Variants in CLN6 observed in about 807,000 individuals in gnomAD.
CLN6 encodes CLN6 transmembrane ER protein.
CLN6 carries 22 observed loss-of-function variants against 33.3 expected under a neutral mutation model. The ratio of observed to expected loss-of-function variants is 0.66; its 90% confidence interval spans 0.47 to 0.94. The LOEUF (loss-of-function observed/expected upper bound fraction) is 0.94, where lower values mean the gene tolerates loss of function less well. Ranked by LOEUF, CLN6 falls within the 40% of genes least tolerant of loss-of-function variation. The pLI, the probability that CLN6 is intolerant of heterozygous loss-of-function variation, is 0.00. For missense variants in CLN6, 387 were observed against 417.1 expected (o/e 0.93, Z 0.63); for synonymous variants, 201 against 174.6 (o/e 1.15, Z -1.19).
In CLN6 at chr15:68,256,650, CCTTG is replaced by C; in HGVS notation, c.179+36_179+39del. The C allele has an allele frequency of 1.7e-6, 1 of 604,456 alleles. No homozygotes were observed. The allele number at this position is 604,456 out of a possible 1,614,324, so 37.4% of individuals were successfully genotyped here. A position where few individuals can be genotyped will look rare whatever the true frequency, so the allele number is the denominator to read the frequency against. On this transcript the variant is annotated intron_variant, in intron 1 of 6. Transcript: ENST00000538696. The surrounding 1 kb of genome is among the most constrained non-coding windows in gnomAD (Gnocchi z 4.1). Reference sequence around the variant, plus strand: ...GGCCCCACGTTCAGAAGGGCTTCGCCCTTGGTTTAATGCGCTGCTCTCATTGCCT... The same window carrying C: ...GGCCCCACGTTCAGAAGGGCTTCGCCGTTTAATGCGCTGCTCTCATTGCCT...
chr15:68,208,094 G>GGGGCCCCCCCC lies in CLN6; in HGVS notation c.*45_*46insGGGGGGGGCCC. 1 of 1,375,276 alleles carries GGGGCCCCCCCC rather than the reference G, an allele frequency of 7.3e-7. No individual in the cohort carries two copies. The highest frequency in any genetic ancestry group is 1.0e-6 in the Non-Finnish European group (1 of 992,022). The allele number at this position is 1,375,276 out of a possible 1,614,324, so 85.2% of individuals were successfully genotyped here. On this transcript the variant is annotated 3_prime_UTR_variant, in exon 7 of 7. Coordinates refer to ENST00000249806, the MANE Select transcript of CLN6 (RefSeq NM_017882.3). This position sits in a 1 kb window ranked among gnomAD's most constrained non-coding sequence, Gnocchi z 5.8. Reference sequence around the variant, plus strand: ...CTCCTGTATTCAGATGCCCTCCATGGCCCACCCTCCCACCCAGCAGAGCGC... The same window carrying GGGGCCCCCCCC: ...CTCCTGTATTCAGATGCCCTCCATGGGGGCCCCCCCCCCCACCCTCCCACCCAGCAGAGCGC...
intron 1 of CLN6, among the ~76,000 whole-genome samples, chr15:68,252,231 C>T (rs1486093114): frequency 6.6e-6 from 1 of 152,094 alleles, no homozygotes; most frequent in Non-Finnish European, 1.5e-5. Context: ...ATCTTGCCCT[C>T]CCAAAGTGCT....
chr15:68,251,111 AG>A (rs1892373989), intron 1 of CLN6, among the ~76,000 whole-genome samples: 1 of 152,230 alleles, frequency 6.6e-6, no homozygotes, highest in South Asian at 2.1e-4. Flanking sequence ...TTATCCAAAG[AG>A]TATAAGAATG....
rs1371082069 is a variant in CLN6 at position 68,219,781 on chromosome 15, C to T, written c.84-1131G>A. Among the ~76,000 whole-genome samples, 2 of 152,204 alleles carry T rather than the reference C, an allele frequency of 1.3e-5. No homozygotes were observed. Among genetic ancestry groups the T allele is most frequent in the Admixed American group, 6.5e-5 (1 of 15,286 alleles). On this transcript the variant is annotated intron_variant, in intron 1 of 6. Coordinates refer to ENST00000249806, the MANE Select transcript of CLN6 (RefSeq NM_017882.3). The surrounding 1 kb of genome is among the most constrained non-coding windows in gnomAD (Gnocchi z 4.2). ...CCTCTTTACAGAGTCCCTGCAATTACTTGCACACCTCCAGGGACAAGCAGC... is the reference window on the plus strand; with the variant it reads ...CCTCTTTACAGAGTCCCTGCAATTATTTGCACACCTCCAGGGACAAGCAGC...
Position 68,256,611 on chromosome 15 carries a change from G to A in CLN6, c.179+79C>T, listed in dbSNP as rs2141169151. ...GTGGCTGGCTTCAGGGGTGTGGGCA[G>A]TGCAGTCGCACAGGGCCCCACGTTC... On this transcript the variant is annotated intron_variant, in intron 1 of 6. Coordinates refer to the CLN6 transcript ENST00000538696. This position sits in a 1 kb window ranked among gnomAD's most constrained non-coding sequence, Gnocchi z 4.1. 1.7e-6 allele frequency: 1 copy of A among 586,520 alleles called. No homozygotes were observed. Among genetic ancestry groups the A allele is most frequent in the Non-Finnish European group, 3.1e-6 (1 of 327,412 alleles). The allele number at this position is 586,520 out of a possible 1,614,324, so 36.3% of individuals were successfully genotyped here. A position where few individuals can be genotyped will look rare whatever the true frequency, so the allele number is the denominator to read the frequency against.
Position 68,214,374 on chromosome 15 carries a change from G to A in CLN6, c.213C>T (p.Leu71=), listed in dbSNP as rs146980624. ...TGGGCTTGTTGAGTGGAAACCACTCGAGAGGGAATACCAGCTGCGGAGCAA... is the reference window on the plus strand; with the variant it reads ...TGGGCTTGTTGAGTGGAAACCACTCAAGAGGGAATACCAGCTGCGGAGCAA... ...GRPIAMLVFP[L]EWFPLNKPSV... Residue 71 remains leucine, a synonymous_variant, in exon 3 of 7, where the codon CTC becomes CTT. Transcript: ENST00000249806. 69 of 1,612,802 alleles carry A rather than the reference G, an allele frequency of 4.3e-5. No homozygotes were observed. Among genetic ancestry groups the A allele is most frequent in the East Asian group, 8.9e-5 (4 of 44,890 alleles).
In CLN6 at chr15:68,256,844, G is replaced by C. The variant is rs549233934; in HGVS notation, c.25C>G (p.Arg9Gly). ...GGCCGGGGCCTGCCTCTCGCTCGCC[G>C]CTCCTTCCCGGCAACGGCTGCCATT... The change falls in exon 1 of 7, where the codon CGG becomes GGG. Residue 9 changes from arginine (R) to glycine (G), a missense_variant. Transcript: ENST00000538696. The surrounding 1 kb of genome is among the most constrained non-coding windows in gnomAD (Gnocchi z 4.1). 9 of 696,318 alleles carry C rather than the reference G, an allele frequency of 1.3e-5. No individual in the cohort carries two copies. Among genetic ancestry groups the C allele is most frequent in the African/African-American group, 8.8e-5 (5 of 56,968 alleles). The allele number at this position is 696,318 out of a possible 1,614,324, so 43.1% of individuals were successfully genotyped here. A position where few individuals can be genotyped will look rare whatever the true frequency, so the allele number is the denominator to read the frequency against.
upstream of CLN6, chr15:68,257,133 A>G (rs781597415): frequency 9.6e-5 from 33 of 344,600 alleles, no homozygotes; most frequent in Non-Finnish European, 1.3e-4. Flanking sequence ...CAGCGAGCGC[A>G]CGGCAGCGGT....
upstream of CLN6, chr15:68,229,834 C>T: frequency 1.5e-5 from 4 of 265,436 alleles, no homozygotes; most frequent in Admixed American, 5.8e-5. Context: ...CCGGGCGCTG[C>T]GAGTGTGGCG....
In CLN6 at chr15:68,207,642, C is replaced by G. The variant is rs2141135241; in HGVS notation, c.*498G>C. 1 of 199,788 alleles carries G rather than the reference C, an allele frequency of 5.0e-6. No homozygotes were observed. The highest frequency in any genetic ancestry group is 8.8e-5 in the South Asian group (1 of 11,300). 12.4% of individuals were successfully genotyped at this position (199,788 alleles called of 1,614,324 possible). A position where few individuals can be genotyped will look rare whatever the true frequency, so the allele number is the denominator to read the frequency against. ...AAATGAGGCCCAGAAAGGAGAAATG[C>G]TTTGCTCAACAGCCACAGTAGGCTG... On this transcript the variant is annotated 3_prime_UTR_variant, in exon 7 of 7. Coordinates refer to ENST00000249806, the MANE Select transcript of CLN6 (RefSeq NM_017882.3).
At chr15:68,237,361 C>G (rs1163549398) in intron 1 of CLN6, among the ~76,000 whole-genome samples, 5 of 151,848 alleles carry the variant, frequency 3.3e-5, no homozygotes, top group African/African-American at 1.2e-4. Context: ...GTGGCATGCT[C>G]CGGTAGTTCC....
At chr15:68,223,970 T>C (rs1023459290) in intron 1 of CLN6, among the ~76,000 whole-genome samples, 2 of 151,622 alleles carry the variant, frequency 1.3e-5, no homozygotes, top group African/African-American at 4.9e-5. Flanking sequence ...CACTTAAACC[T>C]GGGAGGCGGA....
At chr15:68,223,466 CAG>C (rs1296663029) in intron 1 of CLN6, among the ~76,000 whole-genome samples, 2 of 152,162 alleles carry the variant, frequency 1.3e-5, no homozygotes, top group East Asian at 3.8e-4. Context: ...CCTCAAAAAG[CAG>C]AGAGTGATAA....
Position 68,208,852 on chromosome 15 carries a change from C to G in CLN6, c.666-442G>C, listed in dbSNP as rs1367749187. Reference sequence around the variant, plus strand: ...AGCTGCCACCCATTCTTTTTAATCCCCAGAGAGCATACAGATGAGCCCCAG... The same window carrying G: ...AGCTGCCACCCATTCTTTTTAATCCGCAGAGAGCATACAGATGAGCCCCAG... On this transcript the variant is annotated intron_variant, in intron 6 of 6. Transcript: ENST00000249806. The surrounding 1 kb of genome is among the most constrained non-coding windows in gnomAD (Gnocchi z 5.8). Among the ~76,000 whole-genome samples the G allele has an allele frequency of 6.6e-6, 1 of 152,172 alleles. No homozygotes were observed. Among genetic ancestry groups the G allele is most frequent in the African/African-American group, 2.4e-5 (1 of 41,434 alleles).
chr15:68,224,970 T>C (rs2093247949), intron 1 of CLN6, among the ~76,000 whole-genome samples: 1 of 152,064 alleles, frequency 6.6e-6, no homozygotes, highest in Non-Finnish European at 1.5e-5. Flanking sequence ...GTGCATGCCA[T>C]ACACTTAAAA....
At position 68,211,715 on chromosome 15, in the gene CLN6, C is replaced by G. The variant is rs154774638; in HGVS notation, c.446G>C (p.Arg149Pro). 6.2e-7 allele frequency: 1 copy of G among 1,613,942 alleles called. No homozygotes were observed. Among genetic ancestry groups the G allele is most frequent in the Non-Finnish European group, 8.5e-7 (1 of 1,180,020 alleles). The change falls in exon 4 of 7, where the codon CGT (arginine) becomes CCT (proline). Residue 149 changes from arginine (R) to proline (P), a missense_variant. Coordinates refer to ENST00000249806, the MANE Select transcript of CLN6 (RefSeq NM_017882.3). The surrounding 1 kb of genome is among the most constrained non-coding windows in gnomAD (Gnocchi z 5.9). ...FSGYQHHLSV[R>P]ENPIIKNLKP... is the part of the protein sequence containing the mutation. ...GAGATTCTTGATGATGGGGTTCTCA[C>G]GGACAGACAGGTGGTGCTGGTAGCC...
chr15:68,256,890 G>A lies in CLN6; in HGVS notation c.-22C>T. On this transcript the variant is annotated 5_prime_UTR_variant, in exon 1 of 7. Coordinates refer to the CLN6 transcript ENST00000538696. This position sits in a 1 kb window ranked among gnomAD's most constrained non-coding sequence, Gnocchi z 4.1. ...CCATTTTCCGCCCAGGCAAGGTCCT[G>A]GGCGCGGCTCTGGGGAGGGTCAGGG... is the stretch of plus-strand genomic sequence containing the variant. The A allele has an allele frequency of 1.5e-6, 1 of 662,930 alleles. No homozygotes were observed. 41.1% of individuals were successfully genotyped at this position (662,930 alleles called of 1,614,324 possible).
upstream of CLN6, among the ~76,000 whole-genome samples, chr15:68,233,145 TCTC>T (rs1382725780): frequency 6.6e-6 from 1 of 152,050 alleles, no homozygotes; most frequent in Non-Finnish European, 1.5e-5. This position sits in a 1 kb window ranked among gnomAD's most constrained non-coding sequence, Gnocchi z 4.3. Context: ...TGCCCTCCCT[TCTC>T]CTCTGTCTCA....
chr15:68,208,108 C>A lies in CLN6; in HGVS notation c.*32G>T, dbSNP rs1305325044. 2 of 1,588,792 alleles carry A rather than the reference C, an allele frequency of 1.3e-6. No individual in the cohort carries two copies. The highest frequency in any genetic ancestry group is 2.3e-5 in the South Asian group (2 of 88,874). On this transcript the variant is annotated 3_prime_UTR_variant, in exon 7 of 7. Coordinates refer to ENST00000249806, the MANE Select transcript of CLN6 (RefSeq NM_017882.3). The surrounding 1 kb of genome is among the most constrained non-coding windows in gnomAD (Gnocchi z 5.8). ...TGCCCTCCATGGCCCACCCTCCCAC[C>A]CAGCAGAGCGCCAGAGCCTGGTGCC...
Sources: gnomAD v4.1 joint callset for allele counts (sites outside exome capture counted in the v4.1 genomes callset) on GRCh38, gnomAD v4.1.1 for gene constraint, Gnocchi (gnomAD v3.1) non-coding constraint, MANE v1.5 for transcripts, NCBI Gene and HGNC (gene_info 2026-07-23, HGNC 2026-07-21) for gene names.